WDR93: variants seen among roughly 807,000 people sequenced by gnomAD.
WDR93 encodes WD repeat-containing protein 93.
A neutral mutation model predicts 82.9 loss-of-function variants in WDR93; 73 were observed. The observed-to-expected ratio is 0.88, with a 90% CI of 0.73 to 1.07. The LOEUF (loss-of-function observed/expected upper bound fraction) is 1.07, where lower values mean the gene tolerates loss of function less well. WDR93 is among the 50% of genes least tolerant of loss of function. The pLI, the probability that WDR93 is intolerant of heterozygous loss-of-function variation, is 0.00. For missense variants in WDR93, 738 were observed against 826.0 expected (o/e 0.89, Z 1.31); for synonymous variants, 283 against 300.1 (o/e 0.94, Z 0.59).
rs1207316573 is a variant in WDR93 at position 89,713,248 on chromosome 15, T to C, written c.640+1144T>C. Among the ~76,000 whole-genome samples, 3 of 152,108 alleles carry C rather than the reference T, an allele frequency of 2.0e-5. No homozygotes were observed. The East Asian group carries it at 5.8e-4, about 29-fold the overall frequency. ...CCTTGAGGGAGATACTTTGAGAGGATGCTGATGTGCTGTTTCTCTTTAATG... is the reference window on the plus strand; with the variant it reads ...CCTTGAGGGAGATACTTTGAGAGGACGCTGATGTGCTGTTTCTCTTTAATG... On this transcript the variant is annotated intron_variant, in intron 5 of 16. Transcript: ENST00000268130.
At chr15:89,712,511 C>T (rs995143301) in intron 5 of WDR93, among the ~76,000 whole-genome samples, 2 of 147,608 alleles carry the variant, frequency 1.4e-5, no homozygotes, top group African/African-American at 5.0e-5. Context: ...GGCCTTTCCT[C>T]ATTTTTCAAG....
chr15:89,700,532 C>CT (rs1965404127), intron 1 of WDR93, among the ~76,000 whole-genome samples: 1 of 147,926 alleles, frequency 6.8e-6, no homozygotes, highest in African/African-American at 2.5e-5. Flanking sequence ...ATATGAAAGC[C>CT]TTTTTATAAT....
intron 9 of WDR93, among the ~76,000 whole-genome samples, chr15:89,728,822 A>G (rs1228107457): frequency 6.6e-6 from 1 of 152,068 alleles, no homozygotes; most frequent in Non-Finnish European, 1.5e-5. Context: ...TCCCAGCCCC[A>G]CCCAACCTGC....
At chr15:89,705,466 G>T in intron 3 of WDR93, 88 bp from the exon 4 acceptor site, 1 of 818,170 alleles carries the variant, frequency 1.2e-6, no homozygotes, top group Non-Finnish European at 2.1e-6. Context: ...GCTCATGATG[G>T]TAAGTTCACA....
At chr15:89,693,284 G>C (rs1279085314) in intron 1 of WDR93, among the ~76,000 whole-genome samples, 2 of 152,206 alleles carry the variant, frequency 1.3e-5, no homozygotes, top group Non-Finnish European at 2.9e-5. Flanking sequence ...CTGCCAAACT[G>C]TTTTCCAAAG....
At chr15:89,701,165 G>A (rs1421162056) in intron 1 of WDR93, among the ~76,000 whole-genome samples, 1 of 151,970 alleles carries the variant, frequency 6.6e-6, no homozygotes, top group South Asian at 2.1e-4. Flanking sequence ...AACATTTCTG[G>A]AGGCTCTTGA....
chr15:89,723,165 C>T (rs993055407), intron 8 of WDR93, among the ~76,000 whole-genome samples: 2 of 151,926 alleles, frequency 1.3e-5, no homozygotes, highest in African/African-American at 4.8e-5. Context: ...TGTGCCATTG[C>T]ACTCCAGTCT....
At position 89,733,289 on chromosome 15, in the gene WDR93, A is replaced by G. The variant is rs544813687; in HGVS notation, c.1544+70A>G. On this transcript the variant is annotated intron_variant, in intron 13 of 16. Coordinates refer to ENST00000268130, the MANE Select transcript of WDR93 (RefSeq NM_020212.2). ...ATTTTAATTGCTATTTGATAGTAAAATCTGACAGCCTCTCTGACTACAGTC... is the reference window on the plus strand; with the variant it reads ...ATTTTAATTGCTATTTGATAGTAAAGTCTGACAGCCTCTCTGACTACAGTC... 5.3e-4 allele frequency: 773 copies of G among 1,445,204 alleles called. 6 individuals carry two copies. The highest frequency in any genetic ancestry group is 5.1e-3 in the African/African-American group (366 of 71,456). The allele number at this position is 1,445,204 out of a possible 1,614,324, so 89.5% of individuals were successfully genotyped here. A position where few individuals can be genotyped will look rare whatever the true frequency, so the allele number is the denominator to read the frequency against.
intron 12 of WDR93, 87 bp downstream of exon 12, chr15:89,731,649 G>A (rs1966860176): frequency 6.4e-7 from 1 of 1,572,658 alleles, no homozygotes; most frequent in Admixed American, 1.7e-5. Context: ...CAGGCCCTGG[G>A]CCTTCTGTTA....
intron 4 of WDR93, among the ~76,000 whole-genome samples, chr15:89,707,458 A>G (rs867357610): frequency 2.6e-5 from 4 of 152,150 alleles, no homozygotes; most frequent in Admixed American, 6.5e-5. Context: ...GCTGAACAGG[A>G]GAATCACTTG....
At chr15:89,698,287 T>G (rs537567232) in intron 1 of WDR93, among the ~76,000 whole-genome samples, 110 of 152,320 alleles carry the variant, frequency 7.2e-4, no homozygotes, top group African/African-American at 2.6e-3. Context: ...TTTCTTCTGA[T>G]TAGTGTTAGC....
chr15:89,737,688 T>A lies in WDR93; in HGVS notation c.1724T>A (p.Val575Glu). 6.2e-7 allele frequency: 1 copy of A among 1,614,172 alleles called. No individual in the cohort carries two copies. Among genetic ancestry groups the A allele is most frequent in the Non-Finnish European group, 8.5e-7 (1 of 1,180,026 alleles). Reference sequence around the variant, plus strand: ...CCTCTGGAGGTCCCCTGGAAGCCAGTGTTTGCTGTGTCTCCAGACCATCCA... The same window carrying A: ...CCTCTGGAGGTCCCCTGGAAGCCAGAGTTTGCTGTGTCTCCAGACCATCCA... ...AFPLEVPWKP[V>E]FAVSPDHPCF... Residue 575 changes from valine to glutamate, a missense_variant, in exon 15 of 17, where the codon GTG becomes GAG. Coordinates refer to ENST00000268130, the MANE Select transcript of WDR93 (RefSeq NM_020212.2).
At chr15:89,743,097 A>T (rs140073612) in intron 16 of WDR93, among the ~76,000 whole-genome samples, 195 bp from the exon 17 acceptor site, 13 of 152,254 alleles carry the variant, frequency 8.5e-5, no homozygotes, top group African/African-American at 2.4e-4. Flanking sequence ...AGAATGCTAG[A>T]CCCATCATTC....
At chr15:89,714,924 A>G in intron 5 of WDR93, 56 bp from the exon 6 acceptor site, 2 of 1,472,492 alleles carry the variant, frequency 1.4e-6, no homozygotes, top group Non-Finnish European at 1.9e-6. Flanking sequence ...CATTTCTCAG[A>G]GGAAACTTGT....
chr15:89,713,944 G>A (rs1966122348), intron 5 of WDR93, among the ~76,000 whole-genome samples: 1 of 152,096 alleles, frequency 6.6e-6, no homozygotes, highest in Non-Finnish European at 1.5e-5. Flanking sequence ...GTGACCAGAA[G>A]ATTACTTTTT....
intron 7 of WDR93, among the ~76,000 whole-genome samples, chr15:89,720,039 C>T (rs983370702): frequency 2.0e-5 from 3 of 151,378 alleles, no homozygotes; most frequent in African/African-American, 7.3e-5. Context: ...ACCTCGTGAT[C>T]CCACCTGCCT....
intron 1 of WDR93, among the ~76,000 whole-genome samples, chr15:89,700,826 G>A (rs1156883488): frequency 6.6e-6 from 1 of 151,896 alleles, no homozygotes; most frequent in Non-Finnish European, 1.5e-5. Context: ...TGAAGTGCTG[G>A]GATTATGGGC....
At chr15:89,702,547 G>GTT (rs57978090) in intron 2 of WDR93, among the ~76,000 whole-genome samples, 97 of 150,576 alleles carry the variant, frequency 6.4e-4, no homozygotes, top group South Asian at 2.5e-3. Context: ...GTTTTTTGGG[G>GTT]TTTTTTTTTG....
chr15:89,706,659 T>C (rs1965741568), intron 4 of WDR93, among the ~76,000 whole-genome samples: 1 of 152,130 alleles, frequency 6.6e-6, no homozygotes. Flanking sequence ...CTAAAAACAT[T>C]TCTTCTTGGA....
Sources: gnomAD v4.1 joint callset for allele counts (sites outside exome capture counted in the v4.1 genomes callset) on GRCh38, gnomAD v4.1.1 for gene constraint, MANE v1.5 for transcripts, NCBI Gene and HGNC (gene_info 2026-07-23, HGNC 2026-07-21) for gene names.